XIRP2: variants seen among roughly 807,000 people sequenced by gnomAD.
The protein encoded by XIRP2 is xin actin-binding repeat-containing protein 2.
A neutral mutation model predicts 277.0 loss-of-function variants in XIRP2; 236 were observed. The observed-to-expected ratio is 0.85, with a 90% confidence interval of 0.77 to 0.95. The LOEUF is 0.95. Ranked by LOEUF, XIRP2 falls within the 40% of genes least tolerant of loss-of-function variation. The pLI is 0.00. For missense variants in XIRP2, 4,640 were observed against 4,157.5 expected (o/e 1.12, Z -3.19); for synonymous variants, 1,490 against 1,416.5 (o/e 1.05, Z -1.17).
At chr2:167,177,831 G>A (rs1467670103) in intron 3 of XIRP2, among the ~76,000 whole-genome samples, 1 of 152,100 alleles carries the variant, frequency 6.6e-6, no homozygotes, top group African/African-American at 2.4e-5. Flanking sequence ...TTAGAGGCAT[G>A]TAGCCCTTAA....
In XIRP2 at chr2:167,210,790, G is replaced by A; in HGVS notation, c.618G>A (p.Arg206=). 2 of 1,614,146 alleles carry A rather than the reference G, an allele frequency of 1.2e-6. No individual in the cohort carries two copies. Among genetic ancestry groups the A allele is most frequent in the Non-Finnish European group, 1.7e-6 (2 of 1,179,992 alleles). The part of the protein sequence containing the change: ...ESGFAEDSAA[R]GEGVSDLHEV... ...GATTTGCAGAAGACAGTGCTGCTCG[G>A]GGCGAGGGTGTGTCAGACCTCCACG... The change falls in exon 4 of 11, where the codon CGG becomes CGA. Residue 206 remains arginine, a synonymous_variant. Transcript: ENST00000409195.
intron 2 of XIRP2, among the ~76,000 whole-genome samples, chr2:166,977,661 A>G (rs941287185): frequency 6.6e-6 from 1 of 152,154 alleles, no homozygotes; most frequent in Non-Finnish European, 1.5e-5. Flanking sequence ...GAAAAGGTAT[A>G]AAAAAATGAT....
At chr2:166,963,378 G>A (rs1334516148) in intron 2 of XIRP2, among the ~76,000 whole-genome samples, 1 of 151,576 alleles carries the variant, frequency 6.6e-6, no homozygotes, top group African/African-American at 2.4e-5. Context: ...ATGACAAGTC[G>A]ACCATTCTCA....
intron 2 of XIRP2, among the ~76,000 whole-genome samples, chr2:167,025,550 G>A (rs1688128333): frequency 6.6e-6 from 1 of 151,506 alleles, no homozygotes; most frequent in South Asian, 2.1e-4. Flanking sequence ...TGATGTTAGG[G>A]TGTCAATTTT....
chr2:166,907,847 G>A (rs1302083582), intron 2 of XIRP2, among the ~76,000 whole-genome samples: 1 of 141,534 alleles, frequency 7.1e-6, no homozygotes, highest in Non-Finnish European at 1.5e-5. Context: ...TCCCACCTAT[G>A]AGTGAGAACA....
intron 2 of XIRP2, among the ~76,000 whole-genome samples, chr2:166,997,005 A>G (rs1024579901): frequency 6.6e-6 from 1 of 152,202 alleles, no homozygotes; most frequent in African/African-American, 2.4e-5. Context: ...CCTAAAATGA[A>G]CAGTCCTAGA....
chr2:167,037,647 C>G (rs192307933), intron 2 of XIRP2, among the ~76,000 whole-genome samples: 1 of 151,708 alleles, frequency 6.6e-6, no homozygotes, highest in Non-Finnish European at 1.5e-5. Flanking sequence ...CTGAGACCCT[C>G]AGGCTAGGGT....
At chr2:167,181,183 G>C (rs988373888) in intron 3 of XIRP2, among the ~76,000 whole-genome samples, 2 of 152,196 alleles carry the variant, frequency 1.3e-5, no homozygotes, top group Admixed American at 6.5e-5. Flanking sequence ...GTGTAGCAGA[G>C]GCAGGGCTGT....
chr2:167,224,069 A>G (rs1410324689), intron 5 of XIRP2, among the ~76,000 whole-genome samples: 2 of 152,130 alleles, frequency 1.3e-5, no homozygotes, highest in Non-Finnish European at 2.9e-5. Context: ...CCTTCTTGCT[A>G]TGTCATAATG....
At chr2:167,219,009 G>A (rs1037815445) in intron 5 of XIRP2, among the ~76,000 whole-genome samples, 1 of 152,104 alleles carries the variant, frequency 6.6e-6, no homozygotes, top group African/African-American at 2.4e-5. Flanking sequence ...GGAGGCAACT[G>A]AGGTATTTCT....
chr2:167,053,580 T>G (rs1261451833), intron 2 of XIRP2, among the ~76,000 whole-genome samples: 1 of 152,194 alleles, frequency 6.6e-6, no homozygotes, highest in Non-Finnish European at 1.5e-5. Context: ...AAGTGCAAAT[T>G]CTGTCCATAG....
rs1695180648 is a variant in XIRP2 at position 167,244,420 on chromosome 2, G to GT, written c.3029dup (p.Arg1011LysfsTer3). The GT allele has an allele frequency of 1.9e-6, 3 of 1,613,606 alleles. No homozygotes were observed. Among genetic ancestry groups the GT allele is most frequent in the South Asian group, 2.2e-5 (2 of 91,044 alleles). ...AAAGACAGTCCAGCAAGAAGAAATC[G>GT]TAAGAGGTGATGTAAGAAGCTGTAG... On this transcript the variant is annotated frameshift_variant, in exon 9 of 11. Transcript: ENST00000409195. LOFTEE classifies it high-confidence loss of function.
rs938612369 is a variant in XIRP2 at position 167,036,104 on chromosome 2, G to A, written c.409-99805G>A. On this transcript the variant is annotated intron_variant, in intron 2 of 10. Transcript: ENST00000409195. ...GGCAAAAGTTTGCTGCAGAGGCAGC[G>A]CCCTCATGGAGAACCTCTGCTAGGG... Among the ~76,000 whole-genome samples the A allele has an allele frequency of 8.5e-5, 13 of 152,322 alleles. No homozygotes were observed. In the East Asian group the frequency reaches 1.4e-3, roughly 16 times the overall value.
chr2:167,035,914 G>A (rs1477492349), intron 2 of XIRP2, among the ~76,000 whole-genome samples: 1 of 152,236 alleles, frequency 6.6e-6, no homozygotes, highest in Admixed American at 6.5e-5. Context: ...AGCCATGGCT[G>A]AAAGGGCCCA....
intron 2 of XIRP2, among the ~76,000 whole-genome samples, chr2:167,039,643 A>C (rs1354038012): frequency 6.6e-6 from 1 of 152,196 alleles, no homozygotes; most frequent in Non-Finnish European, 1.5e-5. Context: ...ATAGGAGTTG[A>C]AGTGGTGAAA....
chr2:167,043,584 A>T (rs961066478), intron 2 of XIRP2, among the ~76,000 whole-genome samples: 1 of 152,104 alleles, frequency 6.6e-6, no homozygotes, highest in Non-Finnish European at 1.5e-5. Context: ...ATAAACAAGA[A>T]AACCTAGAAG....
chr2:167,007,037 T>C (rs1052693883), intron 2 of XIRP2, among the ~76,000 whole-genome samples: 1 of 151,758 alleles, frequency 6.6e-6, no homozygotes, highest in Non-Finnish European at 1.5e-5. Context: ...TACAGTGTTA[T>C]AATAGCAACA....
intron 2 of XIRP2, among the ~76,000 whole-genome samples, chr2:167,010,511 C>T (rs1687645595): frequency 6.6e-6 from 1 of 152,032 alleles, no homozygotes; most frequent in Non-Finnish European, 1.5e-5. Flanking sequence ...CGTGATGCCT[C>T]CAGCTTTGTT....
At chr2:167,033,946 A>G (rs1286317157) in intron 2 of XIRP2, among the ~76,000 whole-genome samples, 3 of 152,216 alleles carry the variant, frequency 2.0e-5, no homozygotes. Flanking sequence ...TTGAAAACAC[A>G]CTGGTAATAG....
Sources: gnomAD v4.1 joint callset for allele counts (sites outside exome capture counted in the v4.1 genomes callset) on GRCh38, gnomAD v4.1.1 for gene constraint, MANE v1.5 for transcripts, NCBI Gene and HGNC (gene_info 2026-07-23, HGNC 2026-07-21) for gene names.